GIGYF2: variants seen among roughly 807,000 people sequenced by gnomAD.
GIGYF2 encodes GRB10-interacting GYF protein 2.
GIGYF2 carries 25 observed loss-of-function variants against 208.1 expected under a neutral mutation model. The observed-to-expected ratio is 0.12, with a 90% confidence interval of 0.09 to 0.17. The LOEUF (loss-of-function observed/expected upper bound fraction) is 0.17, where lower values mean the gene tolerates loss of function less well. GIGYF2 is among the 10% of genes least tolerant of loss of function. GIGYF2 has a pLI of 1.00. For synonymous variants in GIGYF2, 534 were observed against 543.8 expected, an observed-to-expected ratio of 0.98 and a Z score of 0.25; for missense variants, 1,302 against 1,579.4, an observed-to-expected ratio of 0.82 and a Z score of 2.98.
chr2:232,814,380 G>T (rs575100725), intron 18 of GIGYF2, among the ~76,000 whole-genome samples: 1 of 151,988 alleles, frequency 6.6e-6, no homozygotes, highest in East Asian at 2.0e-4. Context: ...GGCCAAGATG[G>T]TGAAACCCCA....
At position 232,819,159 on chromosome 2, in the gene GIGYF2, G is replaced by T. The variant is rs1199745680; in HGVS notation, c.2371-668G>T. Among the ~76,000 whole-genome samples the T allele has an allele frequency of 2.0e-5, 3 of 152,062 alleles. No individual in the cohort carries two copies. In the East Asian group the frequency reaches 5.8e-4, roughly 29 times the overall value. On this transcript the variant is annotated intron_variant, in intron 20 of 28. Coordinates refer to ENST00000373563, the MANE Select transcript of GIGYF2 (RefSeq NM_001103146.3). ...GAGGTGCTCTTTGAAAAACAAAAAA[G>T]ATCCATGCTGAGATGAAATGAGAAC...
chr2:232,820,004 CT>C lies in GIGYF2; in HGVS notation c.2529+21del, dbSNP rs781244232. On this transcript the variant is annotated intron_variant, in intron 21 of 28. Transcript: ENST00000373563. ...CAAACAGGTGACCAGATGGTTTTGT[CT>C]TCTAATTGTTCCTTTGAAGCTGGGA... The C allele has an allele frequency of 6.2e-7, 1 of 1,612,814 alleles. No homozygotes were observed. The highest frequency in any genetic ancestry group is 1.1e-5 in the South Asian group (1 of 91,034).
chr2:232,844,519 A>G lies in GIGYF2; in HGVS notation c.3250A>G (p.Lys1084Glu). The change falls in exon 25 of 29, where the codon AAA becomes GAA. Residue 1084 changes from lysine to glutamate, a missense_variant. Physicochemically the swap from Lys to Glu is moderately conservative, Grantham distance 56 (BLOSUM62 1). Around this residue, in one of 8 missense-constraint regions of GIGYF2, gnomAD observed 701 missense variants for 793.0 expected, o/e 0.88. Transcript: ENST00000373563. ...CATGGGATTCTGGGATGATGCAGTG[A>G]AAGAGGTGGGACCTAGGAATTCAAC... ...SNMGFWDDAVKEVGPRNSTNK... is the reference protein window; with the variant it reads ...SNMGFWDDAVEEVGPRNSTNK... 1.9e-6 allele frequency: 3 copies of G among 1,614,014 alleles called. No homozygotes were observed. Among genetic ancestry groups the G allele is most frequent in the Non-Finnish European group, 2.5e-6 (3 of 1,179,878 alleles).
chr2:232,765,744 T>C, intron 8 of GIGYF2: 1 of 279,550 alleles, frequency 3.6e-6, no homozygotes, highest in Non-Finnish European at 7.2e-6. Flanking sequence ...TGGTATGAAG[T>C]ACTTGTTAAT....
chr2:232,853,435 C>T (rs1176051316), intron 28 of GIGYF2, among the ~76,000 whole-genome samples: 2 of 152,192 alleles, frequency 1.3e-5, no homozygotes, highest in African/African-American at 4.8e-5. Flanking sequence ...TGCCACCACG[C>T]CAGCTACTTT....
At chr2:232,846,013 C>T in intron 26 of GIGYF2, 127 bp downstream of exon 26, 1 of 713,278 alleles carries the variant, frequency 1.4e-6, no homozygotes. Context: ...GCTGCACCTG[C>T]CATAGGAACT....
At chr2:232,846,557 T>C (rs1238355435) in intron 26 of GIGYF2, among the ~76,000 whole-genome samples, 1 of 152,194 alleles carries the variant, frequency 6.6e-6, no homozygotes, top group African/African-American at 2.4e-5. Context: ...AAAATAGCAG[T>C]AAAGGAATTA....
intron 14 of GIGYF2, among the ~76,000 whole-genome samples, chr2:232,802,898 ATTTT>A (rs35474409): frequency 1.4e-5 from 2 of 143,760 alleles, no homozygotes; most frequent in Non-Finnish European, 3.0e-5. Context: ...TTGTCCAGAG[ATTTT>A]TTTTTTTTTT....
intron 21 of GIGYF2, among the ~76,000 whole-genome samples, chr2:232,832,199 A>G (rs1701441249): frequency 2.6e-5 from 4 of 152,232 alleles, no homozygotes; most frequent in Admixed American, 2.6e-4. Context: ...GAGGAATATG[A>G]TATGGGTAAG....
chr2:232,781,065 C>G (rs562051009), intron 8 of GIGYF2, among the ~76,000 whole-genome samples: 1 of 152,182 alleles, frequency 6.6e-6, no homozygotes, highest in Admixed American at 6.5e-5. Context: ...TCAAGTGATT[C>G]TCCTGCCTCA....
At position 232,811,395 on chromosome 2, in the gene GIGYF2, G is replaced by A. The variant is rs372489440; in HGVS notation, c.2006+44G>A. 35 of 1,123,780 alleles carry A rather than the reference G, an allele frequency of 3.1e-5. No individual in the cohort carries two copies. In the African/African-American group the frequency reaches 5.2e-4, roughly 17 times the overall value. The allele number at this position is 1,123,780 out of a possible 1,614,324, so 69.6% of individuals were successfully genotyped here. ...ATGTGTCATATGGGGTGCATGTGTT[G>A]TGAAAGAAAGAGAAGAAAGGAGAAA... On this transcript the variant is annotated intron_variant, in intron 17 of 28. Coordinates refer to ENST00000373563, the MANE Select transcript of GIGYF2 (RefSeq NM_001103146.3).
intron 2 of GIGYF2, among the ~76,000 whole-genome samples, chr2:232,725,345 A>T (rs542072470): frequency 6.6e-6 from 1 of 152,290 alleles, no homozygotes; most frequent in Non-Finnish European, 1.5e-5. Context: ...TTATCTTCCA[A>T]AAGATCCTAG....
rs141955561 is a variant in GIGYF2 at position 232,701,443 on chromosome 2, C to CA, written c.-109-1975dup. On this transcript the variant is annotated intron_variant, in intron 1 of 28. Transcript: ENST00000373563. ...CTAGGTGATAGAGCAAGACTTTCTC[C>CA]AAAAAAGACAGGGTCTTGCTCTGTC... Among the ~76,000 whole-genome samples the CA allele has an allele frequency of 5.1e-3, 759 of 148,760 alleles. 4 individuals carry two copies. Among genetic ancestry groups the CA allele is most frequent in the African/African-American group, 0.018 (734 of 40,792 alleles).
intron 2 of GIGYF2, among the ~76,000 whole-genome samples, chr2:232,732,926 G>A (rs971318977): frequency 1.3e-5 from 2 of 152,038 alleles, no homozygotes; most frequent in South Asian, 2.1e-4. Context: ...CACCATGCTC[G>A]GCAGTTATGT....
chr2:232,826,624 C>T (rs373331504), intron 21 of GIGYF2, among the ~76,000 whole-genome samples: 6 of 152,062 alleles, frequency 3.9e-5, no homozygotes, highest in African/African-American at 1.4e-4. Context: ...AAAAGCTTTG[C>T]AATCTACCCA....
chr2:232,699,510 G>T (rs1466198025), intron 1 of GIGYF2, among the ~76,000 whole-genome samples: 1 of 152,110 alleles, frequency 6.6e-6, no homozygotes, highest in Non-Finnish European at 1.5e-5. Flanking sequence ...ATCCCCATCC[G>T]CTAATTTGGA....
intron 8 of GIGYF2, among the ~76,000 whole-genome samples, chr2:232,763,742 A>C (rs1389687548): frequency 6.6e-6 from 1 of 152,048 alleles, no homozygotes; most frequent in Non-Finnish European, 1.5e-5. Flanking sequence ...GAGGCAGGGG[A>C]ATCGCTTGAA....
At chr2:232,787,358 AG>A in intron 9 of GIGYF2, 29 bp downstream of exon 9, 1 of 1,588,532 alleles carries the variant, frequency 6.3e-7, no homozygotes, top group South Asian at 1.1e-5. Context: ...AAAGGCACAC[AG>A]GGACTGAAAT....
rs1350362211 is a variant in GIGYF2 at position 232,806,234 on chromosome 2, G to A, written c.1640-257G>A. On this transcript the variant is annotated intron_variant, in intron 14 of 28. Transcript: ENST00000373563. This position sits in a 1 kb window ranked among gnomAD's most constrained non-coding sequence, Gnocchi z 4.0. ...TTACTGACACATGAATTGTTGTAGA[G>A]ATTGAGATAGAGACAGTTATGCTCC... Among the ~76,000 whole-genome samples, 1 of 152,186 alleles carries A rather than the reference G, an allele frequency of 6.6e-6. No individual in the cohort carries two copies. The highest frequency in any genetic ancestry group is 2.4e-5 in the African/African-American group (1 of 41,450).
Sources: gnomAD v4.1 joint callset for allele counts (sites outside exome capture counted in the v4.1 genomes callset) on GRCh38, gnomAD v4.1.1 for gene constraint, gnomAD v4.1.1 regional missense constraint, Gnocchi (gnomAD v3.1) non-coding constraint, MANE v1.5 for transcripts, NCBI Gene and HGNC (gene_info 2026-07-23, HGNC 2026-07-21) for gene names.